CDIN1: variants seen among roughly 807,000 people sequenced by gnomAD.
CDIN1 encodes CDAN1 interacting nuclease 1.
In CDIN1, 33 loss-of-function variants were observed where a neutral mutation model predicts 45.3. The observed-to-expected ratio is 0.73, with a 90% CI of 0.55 to 0.97. CDIN1 has a LOEUF of 0.97. Among genes scored for constraint, CDIN1 ranks in the 50% least tolerant of loss-of-function variants. CDIN1 has a pLI of 0.00. For missense variants in CDIN1, 303 were observed against 339.4 expected (o/e 0.89, Z 0.84); for synonymous variants, 118 against 124.4 (o/e 0.95, Z 0.34).
chr15:36,726,305 C>T (rs2043622143), intron 10 of CDIN1, among the ~76,000 whole-genome samples: 1 of 152,158 alleles, frequency 6.6e-6, no homozygotes, highest in Admixed American at 6.6e-5. Context: ...CAGCTGAGCA[C>T]ATTCAGCTTC....
intron 10 of CDIN1, among the ~76,000 whole-genome samples, chr15:36,712,922 G>C (rs959485277): frequency 1.3e-5 from 2 of 152,044 alleles, no homozygotes; most frequent in Non-Finnish European, 2.9e-5. Flanking sequence ...AATTATATAA[G>C]GCTACCAGAA....
intron 1 of CDIN1, among the ~76,000 whole-genome samples, chr15:36,621,103 A>G (rs149334189): frequency 2.0e-5 from 3 of 152,312 alleles, no homozygotes; most frequent in South Asian, 2.1e-4. Flanking sequence ...TTAGAGTTCT[A>G]TGTAAGGTGG....
intron 10 of CDIN1, among the ~76,000 whole-genome samples, chr15:36,758,826 T>A (rs1297959533): frequency 6.6e-6 from 1 of 152,204 alleles, no homozygotes; most frequent in Non-Finnish European, 1.5e-5. Flanking sequence ...CAGTATAATA[T>A]CTGTTAAACT....
chr15:36,670,631 A>G (rs1189759945), intron 5 of CDIN1, among the ~76,000 whole-genome samples: 1 of 152,124 alleles, frequency 6.6e-6, no homozygotes, highest in Non-Finnish European at 1.5e-5. Context: ...GTAAATTATC[A>G]AAAATGCTGG....
At chr15:36,767,992 T>C (rs578198744) in intron 10 of CDIN1, among the ~76,000 whole-genome samples, 12 of 152,286 alleles carry the variant, frequency 7.9e-5, no homozygotes, top group African/African-American at 2.6e-4. Context: ...GAGAGGGCTG[T>C]TTCTGACCCC....
At chr15:36,609,192 A>C (rs2140265527) in intron 1 of CDIN1, among the ~76,000 whole-genome samples, 1 of 152,114 alleles carries the variant, frequency 6.6e-6, no homozygotes, top group African/African-American at 2.4e-5. Flanking sequence ...TTTTAAAATT[A>C]TTTTTATGGA....
chr15:36,691,250 G>C (rs779911791), intron 5 of CDIN1: 5 of 511,920 alleles, frequency 9.8e-6, no homozygotes, highest in South Asian at 4.2e-5. Flanking sequence ...ATATGTATAT[G>C]AAGAGTTTAG....
chr15:36,641,830 T>C (rs2040122226), intron 1 of CDIN1: 2 of 152,230 alleles, frequency 1.3e-5, no homozygotes, highest in African/African-American at 4.8e-5. Context: ...TTCCCATACG[T>C]GTTACCTTGG....
intron 1 of CDIN1, among the ~76,000 whole-genome samples, chr15:36,597,799 C>A (rs952005675): frequency 2.0e-5 from 3 of 152,142 alleles, no homozygotes; most frequent in African/African-American, 7.2e-5. Flanking sequence ...ACTGTCAGTT[C>A]TCCTGTCATC....
intron 10 of CDIN1, among the ~76,000 whole-genome samples, chr15:36,767,243 ATGTGTTACGG>A (rs2053951072): frequency 6.6e-6 from 1 of 152,094 alleles, no homozygotes; most frequent in East Asian, 1.9e-4. Context: ...TTCCTTCCAA[ATGTGTTACGG>A]TTCAGCAGTT....
chr15:36,621,180 G>A (rs2039169166), intron 1 of CDIN1, among the ~76,000 whole-genome samples: 1 of 152,142 alleles, frequency 6.6e-6, no homozygotes, highest in Non-Finnish European at 1.5e-5. Context: ...GATTATGTGT[G>A]TACAATTACG....
At chr15:36,651,062 C>CAA (rs879490804) in intron 3 of CDIN1, among the ~76,000 whole-genome samples, 2 of 144,344 alleles carry the variant, frequency 1.4e-5, no homozygotes, top group Non-Finnish European at 3.0e-5. Flanking sequence ...GACTTCATCT[C>CAA]AAAAAAAAAA....
intron 1 of CDIN1, among the ~76,000 whole-genome samples, chr15:36,587,143 C>G (rs959822593): frequency 6.6e-6 from 1 of 152,128 alleles, no homozygotes; most frequent in African/African-American, 2.4e-5. Flanking sequence ...TATCTTTGCC[C>G]TTAGAGATCC....
chr15:36,696,946 TAAAAAA>T (rs1163749494), intron 7 of CDIN1, among the ~76,000 whole-genome samples: 12 of 92,226 alleles, frequency 1.3e-4, no homozygotes, highest in South Asian at 3.9e-4. Flanking sequence ...ATTCCATTTC[TAAAAAA>T]AAAAAAAAAA....
At chr15:36,745,260 G>A (rs1372794644) in intron 10 of CDIN1, among the ~76,000 whole-genome samples, 1 of 152,070 alleles carries the variant, frequency 6.6e-6, no homozygotes, top group Non-Finnish European at 1.5e-5. Context: ...CCCTATAAAA[G>A]ATAATAAATT....
At chr15:36,659,297 T>C (rs1166681923) in intron 5 of CDIN1, among the ~76,000 whole-genome samples, 1 of 152,222 alleles carries the variant, frequency 6.6e-6, no homozygotes, top group Non-Finnish European at 1.5e-5. Flanking sequence ...ATTTTTCTTT[T>C]TATTTTGTAC....
chr15:36,590,526 A>G (rs2037523672), intron 1 of CDIN1, among the ~76,000 whole-genome samples: 1 of 152,184 alleles, frequency 6.6e-6, no homozygotes, highest in African/African-American at 2.4e-5. Flanking sequence ...AATTGAGGCA[A>G]TTCTGTGCGA....
rs1034777511 is a variant in CDIN1 at position 36,807,206 on chromosome 15, G to A, written c.717-1118G>A. On this transcript the variant is annotated intron_variant, in intron 10 of 10. Coordinates refer to ENST00000566621, the MANE Select transcript of CDIN1 (RefSeq NM_001321759.2). ...CATACAGTATCTCGCAGCCCATCCT[G>A]TATTGTTAGTTTTGGCAAGTACACT... Among the ~76,000 whole-genome samples the A allele has an allele frequency of 3.3e-5, 5 of 152,258 alleles. No individual in the cohort carries two copies. In the South Asian group the frequency reaches 1.0e-3, roughly 32 times the overall value.
chr15:36,608,230 C>T (rs2038472843), intron 1 of CDIN1, among the ~76,000 whole-genome samples: 1 of 152,114 alleles, frequency 6.6e-6, no homozygotes, highest in African/African-American at 2.4e-5. Context: ...TATGGTTTAA[C>T]ATTTTGAGGA....
Sources: allele counts gnomAD v4.1 joint callset (sites outside exome capture counted in the v4.1 genomes callset), GRCh38; gene constraint gnomAD v4.1.1; transcripts MANE v1.5; gene names NCBI Gene and HGNC (gene_info 2026-07-23, HGNC 2026-07-21).